KCNA1: variants seen among roughly 807,000 people sequenced by gnomAD.
KCNA1 encodes potassium channel, voltage gated shaker related subfamily A, member 1.
Under a neutral mutation model 28.8 loss-of-function variants are expected in KCNA1, and 19 were observed. That is an observed-to-expected ratio of 0.66 (90% CI 0.46 to 0.97). The LOEUF (loss-of-function observed/expected upper bound fraction) is 0.97. KCNA1 is among the 50% of genes least tolerant of loss of function. The probability of loss-of-function intolerance (pLI) is 0.00; values close to 1 mark genes in which losing one functional copy is unlikely to be tolerated. For missense variants in KCNA1, 419 were observed against 659.7 expected, an observed-to-expected ratio of 0.64 and a Z score of 4.00; for synonymous variants, 311 against 268.8, an observed-to-expected ratio of 1.16 and a Z score of -1.53.
chr12:4,910,537 G>C lies in KCNA1; in HGVS notation c.-540+65G>C, dbSNP rs1947343424. The C allele has an allele frequency of 6.6e-6, 1 of 152,330 alleles. No individual in the cohort carries two copies. Among genetic ancestry groups the C allele is most frequent in the Admixed American group, 6.5e-5 (1 of 15,286 alleles). 9.4% of individuals were successfully genotyped at this position (152,330 alleles called of 1,614,324 possible). ...TGGGGGGACCGGGTGGGGGAGGCCG[G>C]GGGTGCGGGGATGCTGTCCGGGACC... On this transcript the variant is annotated intron_variant, in intron 1 of 1. Transcript: ENST00000382545. The surrounding 1 kb of genome is among the most constrained non-coding windows in gnomAD (Gnocchi z 4.9).
chr12:4,912,975 G>A lies in KCNA1; in HGVS notation c.*109G>A, dbSNP rs567053967. 9.3e-5 allele frequency: 77 copies of A among 825,906 alleles called. No individual in the cohort carries two copies. In the African/African-American group the frequency reaches 1.2e-3, roughly 13 times the overall value. The allele number at this position is 825,906 out of a possible 1,614,324, so 51.2% of individuals were successfully genotyped here. A position where few individuals can be genotyped will look rare whatever the true frequency, so the allele number is the denominator to read the frequency against. On this transcript the variant is annotated 3_prime_UTR_variant, in exon 2 of 2. Transcript: ENST00000382545. ...TCACGCTTTGTAGATACTTTACTAA[G>A]TAGACTTGGAATGCTCTATTTAACT...
Position 4,912,633 on chromosome 12 carries a change from A to G in KCNA1, c.1255A>G (p.Thr419Ala). 6.2e-7 allele frequency: 1 copy of G among 1,613,582 alleles called. No individual in the cohort carries two copies. The highest frequency in any genetic ancestry group is 8.5e-7 in the Non-Finnish European group (1 of 1,179,994). ...SNFNYFYHRE[T>A]EGEEQAQLLH... ...TTTCAACTATTTCTACCACCGAGAA[A>G]CTGAGGGGGAAGAGCAGGCTCAGTT... Residue 419 changes from threonine (T) to alanine (A), a missense_variant, in exon 2 of 2, where the codon ACT becomes GCT. Physicochemically the swap from Thr to Ala is moderately conservative, Grantham distance 58. Around this residue, in one of 4 missense-constraint regions of KCNA1, gnomAD observed 54 missense variants for 186.4 expected, o/e 0.29. Transcript: ENST00000382545.
Position 4,912,198 on chromosome 12 carries a change from G to T in KCNA1, c.820G>T (p.Ala274Ser), listed in dbSNP as rs1201839515. 6.2e-7 allele frequency: 1 copy of T among 1,613,162 alleles called. No individual in the cohort carries two copies. The highest frequency in any genetic ancestry group is 1.1e-5 in the South Asian group (1 of 90,980). ...PYFITLGTEI[A>S]EQEGNQKGEQ... ...TTTCATCACGCTGGGCACCGAGATA[G>T]CTGAGCAGGAAGGAAACCAGAAGGG... Residue 274 changes from alanine to serine, a missense_variant, in exon 2 of 2, where the codon GCT (alanine) becomes TCT (serine). Physicochemically the swap from Ala to Ser is moderately conservative, Grantham distance 99 (BLOSUM62 1). Coordinates refer to ENST00000382545, the MANE Select transcript of KCNA1 (RefSeq NM_000217.3).
chr12:4,912,704 T>C lies in KCNA1; in HGVS notation c.1326T>C (p.Ser442=). 1.2e-6 allele frequency: 2 copies of C among 1,612,786 alleles called. No homozygotes were observed. The highest frequency in any genetic ancestry group is 1.7e-6 in the Non-Finnish European group (2 of 1,179,874). The change falls in exon 2 of 2, where the codon AGT becomes AGC. Residue 442 remains serine, a synonymous_variant. Transcript: ENST00000382545. ...SPNLASDSDL[S]RRSSSTMSKS... is the part of the protein sequence containing the mutation. ...ACTTAGCCTCTGACAGTGACCTCAG[T>C]CGCCGCAGTTCCTCTACTATGAGCA...
At position 4,913,000 on chromosome 12, in the gene KCNA1, T is replaced by C. The variant is rs1947362123; in HGVS notation, c.*134T>C. The stretch of plus-strand genomic sequence containing the variant: ...GTAGACTTGGAATGCTCTATTTAAC[T>C]GTCAATGCGTTGTTGCATTGAGGAT... On this transcript the variant is annotated 3_prime_UTR_variant, in exon 2 of 2. Transcript: ENST00000382545. 1.4e-6 allele frequency: 1 copy of C among 731,436 alleles called. No individual in the cohort carries two copies. The highest frequency in any genetic ancestry group is 1.6e-5 in the South Asian group (1 of 64,338). 45.3% of individuals were successfully genotyped at this position (731,436 alleles called of 1,614,324 possible).
chr12:4,911,593 A>T lies in KCNA1; in HGVS notation c.215A>T (p.Tyr72Phe). The stretch of plus-strand genomic sequence containing the variant: ...GGCAACCCTAAGAAACGCATGCGCT[A>T]CTTCGACCCCCTGAGGAACGAGTAC... The part of the protein sequence containing the change: ...LLGNPKKRMR[Y>F]FDPLRNEYFF... Residue 72 changes from tyrosine (Y) to phenylalanine (F), a missense_variant, in exon 2 of 2, where the codon TAC becomes TTC. Physicochemically the swap from Tyr to Phe is conservative, Grantham distance 22. Transcript: ENST00000382545. The surrounding 1 kb of genome is among the most constrained non-coding windows in gnomAD (Gnocchi z 6.6). 1 of 1,614,154 alleles carries T rather than the reference A, an allele frequency of 6.2e-7. No individual in the cohort carries two copies. The highest frequency in any genetic ancestry group is 8.5e-7 in the Non-Finnish European group (1 of 1,180,032).
In KCNA1 at chr12:4,912,638, G is replaced by A; in HGVS notation, c.1260G>A (p.Glu420=). 6.2e-7 allele frequency: 1 copy of A among 1,613,310 alleles called. No homozygotes were observed. The highest frequency in any genetic ancestry group is 2.2e-5 in the East Asian group (1 of 44,842). Residue 420 remains glutamate, a synonymous_variant, in exon 2 of 2, where the codon GAG becomes GAA. Transcript: ENST00000382545. The part of the protein sequence containing the change: ...NFNYFYHRET[E]GEEQAQLLHV... ...ACTATTTCTACCACCGAGAAACTGA[G>A]GGGGAAGAGCAGGCTCAGTTGCTCC...
rs762038042 is a variant in KCNA1 at position 4,911,383 on chromosome 12, C to G, written c.5C>G (p.Thr2Arg). Residue 2 changes from threonine (T) to arginine (R), a missense_variant, in exon 2 of 2, where the codon ACG (threonine) becomes AGG (arginine). Around this residue, in one of 4 missense-constraint regions of KCNA1, gnomAD observed 67 missense variants for 57.2 expected, o/e 1.17. Transcript: ENST00000382545. The surrounding 1 kb of genome is among the most constrained non-coding windows in gnomAD (Gnocchi z 6.6). M[T>R]VMSGENVDEA... Reference sequence around the variant, plus strand: ...CCCCCGCGCCCGGCTTCCACCATGACGGTGATGTCTGGGGAGAACGTGGAC... The same window carrying G: ...CCCCCGCGCCCGGCTTCCACCATGAGGGTGATGTCTGGGGAGAACGTGGAC... 1.2e-6 allele frequency: 2 copies of G among 1,612,212 alleles called. No individual in the cohort carries two copies. The highest frequency in any genetic ancestry group is 3.3e-5 in the Admixed American group (2 of 59,978).
In KCNA1 at chr12:4,910,384, C is replaced by A. The variant is rs947561515; in HGVS notation, c.-628C>A. The A allele has an allele frequency of 6.6e-6, 1 of 152,222 alleles. No individual in the cohort carries two copies. Among genetic ancestry groups the A allele is most frequent in the African/African-American group, 2.4e-5 (1 of 41,442 alleles). 9.4% of individuals were successfully genotyped at this position (152,222 alleles called of 1,614,324 possible). On this transcript the variant is annotated 5_prime_UTR_variant, in exon 1 of 2. Transcript: ENST00000382545. The surrounding 1 kb of genome is among the most constrained non-coding windows in gnomAD (Gnocchi z 4.9). ...CTGCTGCGGCGGCCGCCGCGGCTCC[C>A]GCCAGGGCACTGCAAAGACGACCTG...
Position 4,911,132 on chromosome 12 carries a change from A to G in KCNA1, c.-247A>G, listed in dbSNP as rs979789211. 2.7e-5 allele frequency: 16 copies of G among 593,208 alleles called. No homozygotes were observed. The highest frequency in any genetic ancestry group is 4.8e-5 in the Non-Finnish European group (16 of 332,964). 36.7% of individuals were successfully genotyped at this position (593,208 alleles called of 1,614,324 possible). On this transcript the variant is annotated 5_prime_UTR_variant, in exon 2 of 2. Coordinates refer to ENST00000382545, the MANE Select transcript of KCNA1 (RefSeq NM_000217.3). This position sits in a 1 kb window ranked among gnomAD's most constrained non-coding sequence, Gnocchi z 6.6. ...CCAAACCCAAACCCAACCCTCTGCA[A>G]AAAGCTGCACCCGGCCCGCAGGCGA...
In KCNA1 at chr12:4,912,779, T is replaced by C. The variant is rs2137674240; in HGVS notation, c.1401T>C (p.His467=). 4 of 1,614,072 alleles carry C rather than the reference T, an allele frequency of 2.5e-6. No individual in the cohort carries two copies. Among genetic ancestry groups the C allele is most frequent in the Non-Finnish European group, 1.7e-6 (2 of 1,179,988 alleles). ...IEEDMNNSIA[H]YRQVNIRTAN... is the part of the protein sequence containing the mutation. The stretch of plus-strand genomic sequence containing the variant: ...AGGATATGAATAATAGCATAGCCCA[T>C]TATAGACAGGTCAATATCAGAACTG... Residue 467 remains histidine, a synonymous_variant, in exon 2 of 2, where the codon CAT becomes CAC. Transcript: ENST00000382545.
Position 4,911,789 on chromosome 12 carries a change from C to T in KCNA1, c.411C>T (p.Ile137=), listed in dbSNP as rs1186247465. 1.9e-6 allele frequency: 3 copies of T among 1,613,848 alleles called. No individual in the cohort carries two copies. The highest frequency in any genetic ancestry group is 2.7e-5 in the African/African-American group (2 of 74,912). The part of the protein sequence containing the change: ...MEKFREDEGF[I]KEEERPLPEK... ...AGTTCCGGGAGGACGAGGGCTTCAT[C>T]AAGGAGGAGGAGCGCCCTCTGCCCG... Residue 137 remains isoleucine (I), a synonymous_variant, in exon 2 of 2, where the codon ATC becomes ATT. Coordinates refer to ENST00000382545, the MANE Select transcript of KCNA1 (RefSeq NM_000217.3). The surrounding 1 kb of genome is among the most constrained non-coding windows in gnomAD (Gnocchi z 6.6).
chr12:4,915,531 T>C lies in KCNA1; in HGVS notation c.*2665T>C, dbSNP rs1042508742. The C allele has an allele frequency of 6.0e-6, 1 of 167,134 alleles. No individual in the cohort carries two copies. The highest frequency in any genetic ancestry group is 1.5e-5 in the Non-Finnish European group (1 of 68,134). 10.4% of individuals were successfully genotyped at this position (167,134 alleles called of 1,614,324 possible). On this transcript the variant is annotated 3_prime_UTR_variant, in exon 2 of 2. Transcript: ENST00000382545. ...TGAACACAACACACATCGTGGAAGA[T>C]GAGGGGCCAAGAACTGCGCAGCATC... is the stretch of plus-strand genomic sequence containing the variant.
At position 4,913,272 on chromosome 12, in the gene KCNA1, C is replaced by T. The variant is rs4766311; in HGVS notation, c.*406C>T. ...CACTTAGAAATATGAAATTGAAATT[C>T]GCATGGGACTCCAGTAAAACATCTT... On this transcript the variant is annotated 3_prime_UTR_variant, in exon 2 of 2. Transcript: ENST00000382545. 126,309 of 268,744 alleles carry T rather than the reference C, an allele frequency of 0.47. 30,292 individuals are homozygous for T. Among genetic ancestry groups the T allele is most frequent in the Middle Eastern group, 0.57 (376 of 658 alleles). The allele number at this position is 268,744 out of a possible 1,614,324, so 16.6% of individuals were successfully genotyped here. A position where few individuals can be genotyped will look rare whatever the true frequency, so the allele number is the denominator to read the frequency against.
chr12:4,915,928 T>C lies in KCNA1; in HGVS notation c.*3062T>C, dbSNP rs10849174. ...GTGCTGCATGCGGTGAACCTGTCAG[T>C]CTGGGACTGGGGGTGAGTTGTTGTT... On this transcript the variant is annotated 3_prime_UTR_variant, in exon 2 of 2. Coordinates refer to ENST00000382545, the MANE Select transcript of KCNA1 (RefSeq NM_000217.3). The C allele has an allele frequency of 0.47, 78,900 of 167,000 alleles. 18,814 individuals carry two copies. Among genetic ancestry groups the C allele is most frequent in the Middle Eastern group, 0.66 (194 of 296 alleles). The allele number at this position is 167,000 out of a possible 1,614,324, so 10.3% of individuals were successfully genotyped here.
rs886049528 is a variant in KCNA1 at position 4,916,134 on chromosome 12, C to T, written c.*3268C>T. On this transcript the variant is annotated 3_prime_UTR_variant, in exon 2 of 2. Coordinates refer to ENST00000382545, the MANE Select transcript of KCNA1 (RefSeq NM_000217.3). ...ATGTCTTTGTAGACCTGAAGGTGCA[C>T]TTAACAAAACTGCCTATTAAGGGAT... 1.8e-5 allele frequency: 3 copies of T among 167,102 alleles called. No individual in the cohort carries two copies. The highest frequency in any genetic ancestry group is 4.4e-5 in the Non-Finnish European group (3 of 68,126). 10.4% of individuals were successfully genotyped at this position (167,102 alleles called of 1,614,324 possible).
chr12:4,917,422 T>A lies in KCNA1; in HGVS notation c.*4556T>A, dbSNP rs1947392156. Reference sequence around the variant, plus strand: ...TGTAAAGAAGCAAACAGGAGCTGAATTGTTAACCAAAACTGTTCCATTACC... The same window carrying A: ...TGTAAAGAAGCAAACAGGAGCTGAAATGTTAACCAAAACTGTTCCATTACC... On this transcript the variant is annotated 3_prime_UTR_variant, in exon 2 of 2. Transcript: ENST00000382545. 6.0e-6 allele frequency: 1 copy of A among 167,116 alleles called. No individual in the cohort carries two copies. Among genetic ancestry groups the A allele is most frequent in the Admixed American group, 6.5e-5 (1 of 15,286 alleles). The allele number at this position is 167,116 out of a possible 1,614,324, so 10.4% of individuals were successfully genotyped here. A position where few individuals can be genotyped will look rare whatever the true frequency, so the allele number is the denominator to read the frequency against.
At position 4,914,642 on chromosome 12, in the gene KCNA1, C is replaced by G. The variant is rs1268594485; in HGVS notation, c.*1776C>G. 6.0e-6 allele frequency: 1 copy of G among 167,232 alleles called. No homozygotes were observed. The highest frequency in any genetic ancestry group is 1.5e-5 in the Non-Finnish European group (1 of 68,236). 10.4% of individuals were successfully genotyped at this position (167,232 alleles called of 1,614,324 possible). On this transcript the variant is annotated 3_prime_UTR_variant, in exon 2 of 2. Transcript: ENST00000382545. ...TTTGCTTTTTCTTTTTCCATTCTCG[C>G]TCTCTCATTTCACCACTGTGAGAAG... is the stretch of plus-strand genomic sequence containing the variant.
rs1017623475 is a variant in KCNA1 at position 4,911,021 on chromosome 12, C to T, written c.-358C>T. 2 of 323,356 alleles carry T rather than the reference C, an allele frequency of 6.2e-6. No individual in the cohort carries two copies. The highest frequency in any genetic ancestry group is 1.2e-5 in the Non-Finnish European group (2 of 171,574). The allele number at this position is 323,356 out of a possible 1,614,324, so 20.0% of individuals were successfully genotyped here. A position where few individuals can be genotyped will look rare whatever the true frequency, so the allele number is the denominator to read the frequency against. ...GCCAGGGCGACCCCCGAAGCAATGG[C>T]CCAGTCCGCTAGAACGGCACTGCGT... is the stretch of plus-strand genomic sequence containing the variant. On this transcript the variant is annotated 5_prime_UTR_variant, in exon 2 of 2. Transcript: ENST00000382545. This position sits in a 1 kb window ranked among gnomAD's most constrained non-coding sequence, Gnocchi z 6.6.
Sources: gnomAD v4.1 joint callset for allele counts on GRCh38, gnomAD v4.1.1 for gene constraint, gnomAD v4.1.1 regional missense constraint, Gnocchi (gnomAD v3.1) non-coding constraint, MANE v1.5 for transcripts, NCBI Gene and HGNC (gene_info 2026-07-23, HGNC 2026-07-21) for gene names.